The following EYA4 variants were observed in gnomAD, a reference collection of about 807,000 sequenced individuals.
The protein encoded by EYA4 is EYA transcriptional coactivator and phosphatase 4.
In EYA4, 31 loss-of-function variants were observed where a neutral mutation model predicts 87.9. The ratio of observed to expected loss-of-function variants is 0.35; its 90% CI spans 0.27 to 0.48. The LOEUF (loss-of-function observed/expected upper bound fraction) is 0.48, where lower values mean the gene tolerates loss of function less well. EYA4 is among the 20% of genes least tolerant of loss of function. EYA4 has a pLI of 0.99. For synonymous variants in EYA4, 263 were observed against 270.6 expected (o/e 0.97, Z 0.28); for missense variants, 678 against 761.4 (o/e 0.89, Z 1.29).
chr6:133,400,714 A>G lies in EYA4; in HGVS notation c.83+18273A>G, dbSNP rs902704107. ...ATTATTGATTACCTTATTTTTTTAC[A>G]GTGTTATTTTTAAATACCTTGGAGA... is the stretch of plus-strand genomic sequence containing the variant. On this transcript the variant is annotated intron_variant, in intron 3 of 19. Transcript: ENST00000355286. 6.6e-5 allele frequency among the ~76,000 whole-genome samples: 10 copies of G among 152,202 alleles called. 1 individual carries two copies. Among genetic ancestry groups the G allele is most frequent in the East Asian group, 3.9e-4 (2 of 5,180 alleles).
Position 133,529,849 on chromosome 6 carries a change from A to G in EYA4, c.*1044A>G. 1.0e-6 allele frequency: 1 copy of G among 985,392 alleles called. No individual in the cohort carries two copies. The highest frequency in any genetic ancestry group is 1.2e-6 in the Non-Finnish European group (1 of 829,930). The allele number at this position is 985,392 out of a possible 1,614,324, so 61.0% of individuals were successfully genotyped here. Reference sequence around the variant, plus strand: ...AAAACTAAGAGCCATATTCATGACAACTTGCACAGTTTTGAGGTTGAGACT... The same window carrying G: ...AAAACTAAGAGCCATATTCATGACAGCTTGCACAGTTTTGAGGTTGAGACT... On this transcript the variant is annotated 3_prime_UTR_variant, in exon 20 of 20. Coordinates refer to ENST00000355286, the MANE Select transcript of EYA4 (RefSeq NM_004100.5).
chr6:133,417,622 C>G (rs929185277), intron 3 of EYA4, among the ~76,000 whole-genome samples: 6 of 152,232 alleles, frequency 3.9e-5, no homozygotes, highest in Admixed American at 3.9e-4. Context: ...AACCCTCATA[C>G]ATATACCTAT....
chr6:133,273,380 C>T (rs1776898832), intron 1 of EYA4, among the ~76,000 whole-genome samples: 1 of 152,038 alleles, frequency 6.6e-6, no homozygotes, highest in African/African-American at 2.4e-5. Flanking sequence ...GTGGATCTGC[C>T]TTCTTCAGCC....
chr6:133,457,499 A>G (rs1794012008), intron 6 of EYA4, among the ~76,000 whole-genome samples: 1 of 152,064 alleles, frequency 6.6e-6, no homozygotes, highest in Non-Finnish European at 1.5e-5. Context: ...TTTTTTTGTC[A>G]GTATGTTTTG....
At chr6:133,245,750 A>G (rs1774356900) in intron 1 of EYA4, among the ~76,000 whole-genome samples, 1 of 152,214 alleles carries the variant, frequency 6.6e-6, no homozygotes, top group Non-Finnish European at 1.5e-5. Context: ...GGCGTCATTT[A>G]GCTTGAACTT....
chr6:133,371,212 C>G lies in EYA4; in HGVS notation c.34-11180C>G, dbSNP rs189099040. ...CACAATTCAGGCGGAGAAAATAGATCTATTCTAAGTATTTGCGAGTACTGA... is the reference window on the plus strand; with the variant it reads ...CACAATTCAGGCGGAGAAAATAGATGTATTCTAAGTATTTGCGAGTACTGA... On this transcript the variant is annotated intron_variant, in intron 2 of 19. Transcript: ENST00000355286. Among the ~76,000 whole-genome samples, 174 of 152,180 alleles carry G rather than the reference C, an allele frequency of 1.1e-3. 1 individual carries two copies. The highest frequency in any genetic ancestry group is 3.9e-3 in the African/African-American group (164 of 41,522).
At chr6:133,243,291 C>T (rs1016520962) in intron 1 of EYA4, among the ~76,000 whole-genome samples, 7 of 152,216 alleles carry the variant, frequency 4.6e-5, no homozygotes, top group Non-Finnish European at 7.3e-5. Context: ...AGTTTTCTTT[C>T]TCCCTTACCC....
chr6:133,315,485 G>T (rs7454561), intron 2 of EYA4, among the ~76,000 whole-genome samples: 66,386 of 151,964 alleles, frequency 0.44, 15,204 homozygotes, highest in Non-Finnish European at 0.52. Flanking sequence ...AAAATCTACC[G>T]TTATGTGAGG....
At chr6:133,370,219 C>T (rs1427708192) in intron 2 of EYA4, among the ~76,000 whole-genome samples, 1 of 152,170 alleles carries the variant, frequency 6.6e-6, no homozygotes, top group Admixed American at 6.5e-5. Context: ...TTCACACACA[C>T]GCACTACAGA....
At chr6:133,420,242 G>T (rs948085815) in intron 3 of EYA4, among the ~76,000 whole-genome samples, 1 of 152,108 alleles carries the variant, frequency 6.6e-6, no homozygotes, top group African/African-American at 2.4e-5. Context: ...CACTTATTCA[G>T]TATCCCCTCT....
At chr6:133,451,641 C>T (rs1487152392) in intron 5 of EYA4, among the ~76,000 whole-genome samples, 1 of 152,110 alleles carries the variant, frequency 6.6e-6, no homozygotes, top group Non-Finnish European at 1.5e-5. Context: ...CAATACCAGC[C>T]ATCCAGGAAC....
chr6:133,490,999 A>G (rs1338454321), intron 13 of EYA4, among the ~76,000 whole-genome samples: 1 of 152,230 alleles, frequency 6.6e-6, no homozygotes, highest in East Asian at 1.9e-4. Flanking sequence ...ATGAAATTAT[A>G]TTATGTATCT....
intron 2 of EYA4, among the ~76,000 whole-genome samples, chr6:133,358,785 A>C (rs1784254846): frequency 6.6e-6 from 1 of 152,228 alleles, no homozygotes; most frequent in Non-Finnish European, 1.5e-5. Flanking sequence ...CACGCACTCA[A>C]GAGGTAAAAC....
At chr6:133,510,491 C>A in intron 14 of EYA4, 1 of 348,624 alleles carries the variant, frequency 2.9e-6, no homozygotes, top group Non-Finnish European at 5.7e-6. Context: ...AACTTTATTT[C>A]CAACCCTTAT....
intron 1 of EYA4, among the ~76,000 whole-genome samples, chr6:133,272,042 G>A (rs1776734788): frequency 6.6e-6 from 1 of 152,194 alleles, no homozygotes; most frequent in South Asian, 2.1e-4. Flanking sequence ...CCATGAATCA[G>A]TATATAATCA....
rs1242894831 is a variant in EYA4 at position 133,329,215 on chromosome 6, G to C, written c.34-53177G>C. ...CTTTTTAAAGTTGTTAAATTTTTCT[G>C]AACTTATTTTTTCCAATGTGTATTT... On this transcript the variant is annotated intron_variant, in intron 2 of 19. Coordinates refer to ENST00000355286, the MANE Select transcript of EYA4 (RefSeq NM_004100.5). 2.6e-5 allele frequency among the ~76,000 whole-genome samples: 4 copies of C among 151,952 alleles called. No homozygotes were observed. The East Asian group carries it at 7.7e-4, about 29-fold the overall frequency.
At chr6:133,305,713 G>A (rs538648653) in intron 2 of EYA4, among the ~76,000 whole-genome samples, 252 of 152,220 alleles carry the variant, frequency 1.7e-3, no homozygotes, top group African/African-American at 5.9e-3. Context: ...CTAACCCAAG[G>A]TGGTAGCTCT....
intron 11 of EYA4, among the ~76,000 whole-genome samples, chr6:133,480,564 A>T (rs1278231646): frequency 6.6e-6 from 1 of 152,200 alleles, no homozygotes; most frequent in Non-Finnish European, 1.5e-5. Flanking sequence ...ACTTAGTATG[A>T]AAAAGAAAAT....
chr6:133,274,553 A>G (rs765532032), intron 1 of EYA4, among the ~76,000 whole-genome samples, 163 bp from the exon 2 acceptor site: 1 of 152,208 alleles, frequency 6.6e-6, no homozygotes, highest in South Asian at 2.1e-4. Flanking sequence ...TTTCAAGATC[A>G]TTAATTGCAT....
Sources: allele counts gnomAD v4.1 joint callset (sites outside exome capture counted in the v4.1 genomes callset), GRCh38; gene constraint gnomAD v4.1.1; transcripts MANE v1.5; gene names NCBI Gene and HGNC (gene_info 2026-07-23, HGNC 2026-07-21).